The following HMGCS1 variants were observed in gnomAD, a reference collection of about 807,000 sequenced individuals.
HMGCS1 encodes 3-hydroxy-3-methylglutaryl-CoA synthase 1.
Under a neutral mutation model 52.3 loss-of-function variants are expected in HMGCS1, and 9 were observed. That is an observed-to-expected ratio of 0.17 (90% CI 0.10 to 0.30). The LOEUF (loss-of-function observed/expected upper bound fraction) is 0.30. Among genes scored for constraint, HMGCS1 ranks in the 10% least tolerant of loss-of-function variants. The probability of loss-of-function intolerance (pLI) is 1.00; values close to 1 mark genes in which losing one functional copy is unlikely to be tolerated. For synonymous variants in HMGCS1, 176 were observed against 214.4 expected (o/e 0.82, Z 1.57); for missense variants, 320 against 620.9 (o/e 0.52, Z 5.15).
chr5:43,305,581 C>T (rs1236363584), intron 2 of HMGCS1, among the ~76,000 whole-genome samples: 1 of 151,698 alleles, frequency 6.6e-6, no homozygotes, highest in Non-Finnish European at 1.5e-5. Flanking sequence ...ACCAGCCTGG[C>T]CAAAATGGTG....
At chr5:43,292,359 G>A (rs1309667359) in intron 10 of HMGCS1, 115 bp downstream of exon 10, 7 of 712,824 alleles carry the variant, frequency 9.8e-6, no homozygotes, top group Non-Finnish European at 1.6e-5. Context: ...AAATAGTACA[G>A]CTAGAATCTA....
At chr5:43,309,970 C>T (rs1291377007) in intron 1 of HMGCS1, among the ~76,000 whole-genome samples, 1 of 152,188 alleles carries the variant, frequency 6.6e-6, no homozygotes, top group Non-Finnish European at 1.5e-5. Flanking sequence ...CCCTCCTTAG[C>T]CTTGATTCAA....
Position 43,297,922 on chromosome 5 carries a change from TTAAG to T in HMGCS1, c.574+83_574+86del, listed in dbSNP as rs1158261810. 2.6e-6 allele frequency: 3 copies of T among 1,156,378 alleles called. No homozygotes were observed. The African/African-American group carries it at 4.7e-5, about 18-fold the overall frequency. The allele number at this position is 1,156,378 out of a possible 1,614,324, so 71.6% of individuals were successfully genotyped here. ...AAGTAGTACCTGCATTTAATGACCA[TTAAG>T]TAAGCGACAGCTCCTACTTCTATTT... On this transcript the variant is annotated intron_variant, in intron 4 of 10. Transcript: ENST00000325110.
At chr5:43,313,111 C>T (rs1754959139) in intron 1 of HMGCS1, 1 of 152,470 alleles carries the variant, frequency 6.6e-6, no homozygotes, top group Non-Finnish European at 1.5e-5. Flanking sequence ...GTTCTCCCCT[C>T]CGCGACTCGC....
chr5:43,305,033 C>T (rs1363075904), intron 2 of HMGCS1, among the ~76,000 whole-genome samples: 1 of 151,928 alleles, frequency 6.6e-6, no homozygotes, highest in Non-Finnish European at 1.5e-5. Context: ...GTTGCCCAGG[C>T]TGGAGTGCAA....
At chr5:43,292,798 G>A in intron 9 of HMGCS1, 50 bp downstream of exon 9, 1 of 1,586,994 alleles carries the variant, frequency 6.3e-7, no homozygotes, top group Non-Finnish European at 8.6e-7. Context: ...CATCCTTAAT[G>A]ATATCAGCCC....
chr5:43,292,338 T>C lies in HMGCS1; in HGVS notation c.1473+136A>G, dbSNP rs116525201. The C allele has an allele frequency of 6.6e-4, 437 of 664,436 alleles. No individual in the cohort carries two copies. In the African/African-American group the frequency reaches 7.4e-3, roughly 11 times the overall value. 41.2% of individuals were successfully genotyped at this position (664,436 alleles called of 1,614,324 possible). On this transcript the variant is annotated intron_variant, in intron 10 of 10. Coordinates refer to ENST00000325110, the MANE Select transcript of HMGCS1 (RefSeq NM_001098272.3). ...TTAATAATTCAAATGCAAAGCACTT[T>C]ATACAATTGGAAATAGTACAGCTAG... is the stretch of plus-strand genomic sequence containing the variant.
intron 8 of HMGCS1, among the ~76,000 whole-genome samples, 159 bp from the exon 9 acceptor site, chr5:43,293,132 C>CA (rs1252409445): frequency 6.6e-6 from 1 of 152,170 alleles, no homozygotes; most frequent in African/African-American, 2.4e-5. Context: ...ACCTATTTGA[C>CA]AAATCTCCTA....
intron 1 of HMGCS1, among the ~76,000 whole-genome samples, chr5:43,310,840 T>C (rs972826276): frequency 2.6e-5 from 4 of 152,162 alleles, no homozygotes; most frequent in South Asian, 2.1e-4. Context: ...AAGAAGCCCA[T>C]ATGGAATCAG....
chr5:43,305,089 C>T (rs185840831), intron 2 of HMGCS1, among the ~76,000 whole-genome samples: 1,576 of 152,052 alleles, frequency 0.01, 11 homozygotes, highest in Non-Finnish European at 0.013. Context: ...CAGGTTCAAG[C>T]GATTCTACTG....
chr5:43,311,939 G>A (rs1048999868), intron 1 of HMGCS1, among the ~76,000 whole-genome samples: 1 of 152,198 alleles, frequency 6.6e-6, no homozygotes, highest in Non-Finnish European at 1.5e-5. Flanking sequence ...AAACTTAGGT[G>A]AGAAATATCT....
chr5:43,291,987 C>CTTTTTTTTTTT (rs537398917), intron 10 of HMGCS1, among the ~76,000 whole-genome samples: 1 of 83,114 alleles, frequency 1.2e-5, no homozygotes, highest in Non-Finnish European at 2.1e-5. Context: ...ACTGTATATT[C>CTTTTTTTTTTT]TTTTTTTTTT....
Position 43,290,818 on chromosome 5 carries a change from T to C in HMGCS1, c.*313A>G, listed in dbSNP as rs938481711. On this transcript the variant is annotated 3_prime_UTR_variant, in exon 11 of 11. Transcript: ENST00000325110. ...GCTTTCTTCTGACAGAAGTACACAA[T>C]TCATTATACCATGTTTAAAAACCAA... The C allele has an allele frequency of 4.2e-6, 1 of 236,390 alleles. No homozygotes were observed. The highest frequency in any genetic ancestry group is 2.2e-5 in the African/African-American group (1 of 45,010). The allele number at this position is 236,390 out of a possible 1,614,324, so 14.6% of individuals were successfully genotyped here.
intron 7 of HMGCS1, 90 bp from the exon 8 acceptor site, chr5:43,294,252 CTATAAG>C (rs2111644637): frequency 1.3e-6 from 1 of 742,814 alleles, no homozygotes; most frequent in Non-Finnish European, 2.3e-6. Context: ...AAAATTTAGG[CTATAAG>C]TAAAAGTAGA....
At chr5:43,297,971 G>A in intron 4 of HMGCS1, 38 bp downstream of exon 4, 1 of 1,597,618 alleles carries the variant, frequency 6.3e-7, no homozygotes, top group South Asian at 1.1e-5. Context: ...TCAGCATATT[G>A]TGCTAAAAAA....
At chr5:43,302,043 C>T (rs143453934) in intron 2 of HMGCS1, among the ~76,000 whole-genome samples, 31 of 152,326 alleles carry the variant, frequency 2.0e-4, no homozygotes, top group African/African-American at 6.7e-4. Context: ...CTCAGAACCA[C>T]CACTGAGGAA....
intron 2 of HMGCS1, among the ~76,000 whole-genome samples, chr5:43,302,522 G>C (rs1001594570): frequency 6.6e-6 from 1 of 152,068 alleles, no homozygotes; most frequent in Admixed American, 6.5e-5. Context: ...ACTTTTTTGG[G>C]TAACATTTCA....
At position 43,289,702 on chromosome 5, in the gene HMGCS1, A is replaced by C. The variant is rs1199356614; in HGVS notation, c.*1429T>G. On this transcript the variant is annotated 3_prime_UTR_variant, in exon 11 of 11. Transcript: ENST00000325110. The stretch of plus-strand genomic sequence containing the variant: ...AAATTATGACTGTACAAATCAAAAT[A>C]CTACTAGTTAATATTAGACAAGAGT... The C allele has an allele frequency of 6.6e-6, 1 of 152,644 alleles. No homozygotes were observed. The highest frequency in any genetic ancestry group is 6.5e-5 in the Admixed American group (1 of 15,274). 9.5% of individuals were successfully genotyped at this position (152,644 alleles called of 1,614,324 possible). A position where few individuals can be genotyped will look rare whatever the true frequency, so the allele number is the denominator to read the frequency against.
chr5:43,309,144 T>C (rs535581029), intron 1 of HMGCS1, among the ~76,000 whole-genome samples: 79 of 152,260 alleles, frequency 5.2e-4, no homozygotes, highest in African/African-American at 1.8e-3. Flanking sequence ...TTGATGTTCA[T>C]GTATGTATAT....
Sources: allele counts gnomAD v4.1 joint callset (sites outside exome capture counted in the v4.1 genomes callset), GRCh38; gene constraint gnomAD v4.1.1; transcripts MANE v1.5; gene names NCBI Gene and HGNC (gene_info 2026-07-23, HGNC 2026-07-21).